TNKS2: variants seen among roughly 807,000 people sequenced by gnomAD.
TNKS2 encodes poly [ADP-ribose] polymerase tankyrase-2.
Under a neutral mutation model 137.6 loss-of-function variants are expected in TNKS2, and 72 were observed. The ratio of observed to expected loss-of-function variants is 0.52; its 90% CI spans 0.43 to 0.64. The LOEUF is 0.64. TNKS2 is among the 30% of genes least tolerant of loss of function. The probability of loss-of-function intolerance (pLI) is 0.00; values close to 1 mark genes in which losing one functional copy is unlikely to be tolerated. For missense variants in TNKS2, 1,049 were observed against 1,410.2 expected (o/e 0.74, Z 4.10); for synonymous variants, 516 against 512.1 (o/e 1.01, Z -0.10).
chr10:91,828,674 A>G (rs1845142508), intron 9 of TNKS2, among the ~76,000 whole-genome samples: 1 of 152,240 alleles, frequency 6.6e-6, no homozygotes, highest in Non-Finnish European at 1.5e-5. Context: ...TTTTATTATC[A>G]TAAGTGATAC....
chr10:91,828,550 A>T (rs1845137860), intron 9 of TNKS2, 144 bp downstream of exon 9: 6 of 902,698 alleles, frequency 6.6e-6, no homozygotes, highest in Non-Finnish European at 9.3e-6. Context: ...TTAAAAATTT[A>T]AACAGTACCA....
Position 91,848,597 on chromosome 10 carries a change from G to C in TNKS2, c.2573G>C (p.Ser858Thr). ...GAACTGTCTTCAGTAGTTAGTTCAA[G>C]TGGAACAGAGGGTGCTTCCAGTTTG... The part of the protein sequence containing the change: ...FSELSSVVSS[S>T]GTEGASSLEK... Residue 858 changes from serine (S) to threonine (T), a missense_variant, in exon 19 of 27, where the codon AGT (serine) becomes ACT (threonine). Physicochemically the swap from Ser to Thr is moderately conservative, Grantham distance 58 (BLOSUM62 1). This residue lies in a region of TNKS2 where 208 missense variants were observed against 231.2 expected (regional missense o/e 0.90). Transcript: ENST00000371627. 6.2e-7 allele frequency: 1 copy of C among 1,614,200 alleles called. No individual in the cohort carries two copies. Among genetic ancestry groups the C allele is most frequent in the Non-Finnish European group, 8.5e-7 (1 of 1,180,028 alleles).
intron 19 of TNKS2, 77 bp from the exon 20 acceptor site, chr10:91,849,435 A>G: frequency 9.0e-7 from 1 of 1,113,556 alleles, no homozygotes; most frequent in Non-Finnish European, 1.3e-6. Flanking sequence ...TAACATTACA[A>G]GACTTTACTG....
chr10:91,850,887 C>G (rs1320174654), intron 20 of TNKS2, among the ~76,000 whole-genome samples: 1 of 152,096 alleles, frequency 6.6e-6, no homozygotes, highest in East Asian at 1.9e-4. Context: ...TTACTTTGAA[C>G]AGTGATGCAG....
rs141698652 is a variant in TNKS2, at chr10:91,807,857, G to A, written c.200-5126G>A. Among the ~76,000 whole-genome samples, 126 of 152,100 alleles carry A rather than the reference G, an allele frequency of 8.3e-4. 1 individual carries two copies. The highest frequency in any genetic ancestry group is 2.9e-3 in the African/African-American group (120 of 41,472). ...AAAATACAAAAAAAATTAGCCAGGC[G>A]TGGTGGCGGGCACCTGTAGCCCCAG... On this transcript the variant is annotated intron_variant, in intron 1 of 26. Coordinates refer to ENST00000371627, the MANE Select transcript of TNKS2 (RefSeq NM_025235.4).
intron 3 of TNKS2, among the ~76,000 whole-genome samples, chr10:91,817,981 C>T (rs887543288): frequency 5.9e-5 from 9 of 152,164 alleles, no homozygotes; most frequent in African/African-American, 1.9e-4. Context: ...TTGCTGTGAG[C>T]TTTGTGCCTG....
chr10:91,828,094 C>T (rs956995088), intron 8 of TNKS2, among the ~76,000 whole-genome samples, 191 bp from the exon 9 acceptor site: 3 of 152,064 alleles, frequency 2.0e-5, no homozygotes, highest in Admixed American at 6.5e-5. Flanking sequence ...ACAGTTGCAC[C>T]GTAACTTAGG....
chr10:91,825,833 C>CA (rs1299991753), intron 7 of TNKS2, among the ~76,000 whole-genome samples: 1 of 152,256 alleles, frequency 6.6e-6, no homozygotes, highest in Non-Finnish European at 1.5e-5. Context: ...AACTGGAACT[C>CA]AAACGTTGCC....
rs371786877 is a variant in TNKS2, at chr10:91,817,240, A to C, written c.520+11A>C. ...AAGCAGTGCTTACTGGTAAGTCTGT[A>C]TACTCTGGTTATTCCAGGAAGCCTG... On this transcript the variant is annotated intron_variant, in intron 3 of 26. Transcript: ENST00000371627. 9.4e-5 allele frequency: 150 copies of C among 1,601,344 alleles called. 1 individual carries two copies. In the African/African-American group the frequency reaches 1.6e-3, roughly 17 times the overall value.
chr10:91,811,050 A>G (rs998352978), intron 1 of TNKS2, among the ~76,000 whole-genome samples: 19 of 141,630 alleles, frequency 1.3e-4, no homozygotes, highest in Admixed American at 1.5e-4. Context: ...TCAGCTTCCC[A>G]TGTAGCTGGG....
At chr10:91,838,036 A>ATTTTTTT (rs71025367) in intron 13 of TNKS2, among the ~76,000 whole-genome samples, 25 of 51,232 alleles carry the variant, frequency 4.9e-4, no homozygotes, top group East Asian at 2.4e-3. Context: ...CAATTAGCTG[A>ATTTTTTT]TTTTTTTTTT....
At chr10:91,828,949 C>T (rs184135832) in intron 9 of TNKS2, among the ~76,000 whole-genome samples, 1 of 151,770 alleles carries the variant, frequency 6.6e-6, no homozygotes, top group East Asian at 1.9e-4. Context: ...AGAATGGAAG[C>T]TAATAGGGAT....
chr10:91,810,174 G>A (rs899454397), intron 1 of TNKS2, among the ~76,000 whole-genome samples: 6 of 151,980 alleles, frequency 3.9e-5, no homozygotes, highest in Non-Finnish European at 7.4e-5. Context: ...TCAGAAGTTC[G>A]AGACCAGCCT....
At chr10:91,807,320 AACAC>A in intron 1 of TNKS2, 1 of 1,614,032 alleles carries the variant, frequency 6.2e-7, no homozygotes, top group Non-Finnish European at 8.5e-7. Context: ...CTGTTACTTT[AACAC>A]ACAAGTTCCC....
intron 16 of TNKS2, among the ~76,000 whole-genome samples, chr10:91,843,607 A>G (rs188227780): frequency 8.5e-4 from 129 of 152,306 alleles, no homozygotes; most frequent in Admixed American, 7.6e-3. Flanking sequence ...TATACAATAT[A>G]TTGTGGTTTC....
At chr10:91,799,190 T>C (rs1348293369) in intron 1 of TNKS2, among the ~76,000 whole-genome samples, 1 of 152,168 alleles carries the variant, frequency 6.6e-6, no homozygotes, top group African/African-American at 2.4e-5. Context: ...TCCGGTCTTG[T>C]TACCCTAGAA....
At chr10:91,816,267 G>A (rs187637412) in intron 2 of TNKS2, among the ~76,000 whole-genome samples, 1 of 152,156 alleles carries the variant, frequency 6.6e-6, no homozygotes, top group East Asian at 1.9e-4. Context: ...CTTTTTATGT[G>A]CCTTGAATTA....
intron 1 of TNKS2, among the ~76,000 whole-genome samples, chr10:91,812,512 CTTG>C: frequency 6.6e-6 from 1 of 152,178 alleles, no homozygotes; most frequent in Admixed American, 6.5e-5. Context: ...TTTGTTGCTT[CTTG>C]TAGTCCCCCA....
intron 23 of TNKS2, among the ~76,000 whole-genome samples, chr10:91,856,490 C>A (rs1344475192): frequency 1.3e-5 from 2 of 152,164 alleles, no homozygotes; most frequent in African/African-American, 4.8e-5. Flanking sequence ...ACTACAGGTA[C>A]ATTTCAGTCA....
Sources: allele counts gnomAD v4.1 joint callset (sites outside exome capture counted in the v4.1 genomes callset), GRCh38; gene constraint gnomAD v4.1.1; regional missense constraint gnomAD v4.1.1; transcripts MANE v1.5; gene names NCBI Gene and HGNC (gene_info 2026-07-23, HGNC 2026-07-21).